WWP2: variants seen among roughly 807,000 people sequenced by gnomAD.
The protein encoded by WWP2 is WW domain containing E3 ubiquitin protein ligase 2, also known as NEDD4-like E3 ubiquitin-protein ligase WWP2.
WWP2 carries 57 observed loss-of-function variants against 121.0 expected under a neutral mutation model. That is an observed-to-expected ratio of 0.47 (90% CI 0.38 to 0.59). The LOEUF is 0.59. WWP2 is among the 20% of genes least tolerant of loss of function. The probability of loss-of-function intolerance (pLI) is 0.00; values close to 1 mark genes in which losing one functional copy is unlikely to be tolerated. For missense variants in WWP2, 962 were observed against 1,158.9 expected, an observed-to-expected ratio of 0.83 and a Z score of 2.47; for synonymous variants, 449 against 441.3, an observed-to-expected ratio of 1.02 and a Z score of -0.22.
chr16:69,872,059 T>C (rs1421976563), intron 7 of WWP2, 128 bp downstream of exon 7: 4 of 1,363,050 alleles, frequency 2.9e-6, no homozygotes, highest in Non-Finnish European at 2.9e-6. Context: ...AGGACTAAAC[T>C]GGATTTGAAT....
At chr16:69,837,936 T>C (rs2056905318) in intron 4 of WWP2, among the ~76,000 whole-genome samples, 1 of 151,934 alleles carries the variant, frequency 6.6e-6, no homozygotes, top group Admixed American at 6.6e-5. Context: ...ATAAAATGAA[T>C]GAAGGCTAGG....
At chr16:69,816,762 TACACATAC>T (rs996925781) in intron 4 of WWP2, among the ~76,000 whole-genome samples, 11 of 152,042 alleles carry the variant, frequency 7.2e-5, no homozygotes, top group East Asian at 1.9e-4. Context: ...CGTATACATA[TACACATAC>T]ACACATACAC....
chr16:69,851,026 T>TTTTTTA (rs35673651), intron 6 of WWP2, among the ~76,000 whole-genome samples: 1 of 142,502 alleles, frequency 7.0e-6, no homozygotes, highest in African/African-American at 2.7e-5. Flanking sequence ...TTTTTTTTTT[T>TTTTTTA]GGACAGAGTC....
chr16:69,883,072 G>A (rs751755190), intron 7 of WWP2, among the ~76,000 whole-genome samples: 1 of 151,726 alleles, frequency 6.6e-6, no homozygotes, highest in Non-Finnish European at 1.5e-5. Flanking sequence ...AGGATCGCTT[G>A]AACCCAGGAG....
At chr16:69,803,526 G>A (rs953944236) in intron 4 of WWP2, among the ~76,000 whole-genome samples, 10 of 152,232 alleles carry the variant, frequency 6.6e-5, no homozygotes, top group Middle Eastern at 3.4e-3. Context: ...CCTGGGTTTG[G>A]GAAGGTCCAT....
At chr16:69,850,794 T>A (rs79114689) in intron 6 of WWP2, among the ~76,000 whole-genome samples, 2 of 152,170 alleles carry the variant, frequency 1.3e-5, no homozygotes, top group Non-Finnish European at 2.9e-5. Flanking sequence ...TGCCATCTGC[T>A]TTTTTGTTGG....
intron 6 of WWP2, among the ~76,000 whole-genome samples, chr16:69,859,992 G>T (rs1434122030): frequency 6.6e-6 from 1 of 151,868 alleles, no homozygotes; most frequent in Non-Finnish European, 1.5e-5. Context: ...TTGGAGGGGG[G>T]CTAGAGTGAG....
At chr16:69,848,703 T>A (rs2057137930) in intron 6 of WWP2, among the ~76,000 whole-genome samples, 1 of 151,862 alleles carries the variant, frequency 6.6e-6, no homozygotes, top group Admixed American at 6.6e-5. Context: ...TTTCCTTTCT[T>A]ATGTGTATAT....
In WWP2 at chr16:69,937,691, C is replaced by T. The variant is rs964232278; in HGVS notation, c.2343+39C>T. Reference sequence around the variant, plus strand: ...CCAGGCCTTGGCAGGGACATTTGGGCCATCAACCAAAGGAAACGGGTCCTG... The same window carrying T: ...CCAGGCCTTGGCAGGGACATTTGGGTCATCAACCAAAGGAAACGGGTCCTG... On this transcript the variant is annotated intron_variant, in intron 21 of 23. Transcript: ENST00000359154. The surrounding 1 kb of genome is among the most constrained non-coding windows in gnomAD (Gnocchi z 6.6). 6 of 1,604,842 alleles carry T rather than the reference C, an allele frequency of 3.7e-6. No individual in the cohort carries two copies. The highest frequency in any genetic ancestry group is 5.1e-6 in the Non-Finnish European group (6 of 1,172,850).
chr16:69,825,355 C>G (rs1329913350), intron 4 of WWP2, among the ~76,000 whole-genome samples: 4 of 150,808 alleles, frequency 2.7e-5, no homozygotes, highest in Non-Finnish European at 5.9e-5. Context: ...ACCCAGGAGG[C>G]AGAGGTTGCA....
chr16:69,885,849 A>G (rs1330083596), intron 7 of WWP2, among the ~76,000 whole-genome samples: 6 of 152,204 alleles, frequency 3.9e-5, no homozygotes, highest in African/African-American at 9.7e-5. Context: ...TTTCCTGCAC[A>G]TGCTGGTGTT....
At chr16:69,936,673 G>A (rs1418984147) in intron 19 of WWP2, 3 of 615,802 alleles carry the variant, frequency 4.9e-6, no homozygotes, top group Non-Finnish European at 5.6e-6. Context: ...TTTTCGCCAT[G>A]TGGGAGACTT....
chr16:69,833,863 T>C (rs901481342), intron 4 of WWP2, among the ~76,000 whole-genome samples: 1 of 152,186 alleles, frequency 6.6e-6, no homozygotes, highest in Non-Finnish European at 1.5e-5. Context: ...AAGAGATCAG[T>C]GGCCCTGCGG....
rs749559509 is a variant in WWP2, at chr16:69,871,939, A to G, written c.703+8A>G. 8 of 1,611,986 alleles carry G rather than the reference A, an allele frequency of 5.0e-6. No individual in the cohort carries two copies. Among genetic ancestry groups the G allele is most frequent in the Non-Finnish European group, 5.1e-6 (6 of 1,179,126 alleles). On this transcript the variant is annotated splice_region_variant and intron_variant, in intron 7 of 23. Transcript: ENST00000359154. ...GCTTGGCCAATGGCACAGGTGAGTGATGGCACCGCACGCCAGCCTGCACTG... is the reference window on the plus strand; with the variant it reads ...GCTTGGCCAATGGCACAGGTGAGTGGTGGCACCGCACGCCAGCCTGCACTG...
chr16:69,929,601 C>A (rs2058684992), intron 12 of WWP2, 72 bp downstream of exon 12: 3 of 1,374,992 alleles, frequency 2.2e-6, no homozygotes, highest in Non-Finnish European at 1.0e-6. Context: ...GGGCAGGTGG[C>A]TTTGGACTGC....
intron 1 of WWP2, among the ~76,000 whole-genome samples, chr16:69,771,673 G>C (rs8058669): frequency 0.044 from 6,651 of 152,206 alleles, 503 homozygotes; most frequent in African/African-American, 0.15. Flanking sequence ...CTTGTCAATT[G>C]CTGAAAAACA....
intron 2 of WWP2, among the ~76,000 whole-genome samples, chr16:69,795,648 G>GTTTTTT (rs1567669884): frequency 1.1e-5 from 1 of 92,454 alleles, no homozygotes. Context: ...AAAAATAGGA[G>GTTTTTT]GTTTTTTTTT....
chr16:69,773,265 G>A (rs781219605), intron 1 of WWP2, among the ~76,000 whole-genome samples: 1 of 150,452 alleles, frequency 6.6e-6, no homozygotes, highest in African/African-American at 2.5e-5. Context: ...TGCAACCTTC[G>A]CCTCCCAGGT....
rs572985862 is a variant in WWP2, at chr16:69,795,679, A to G, written c.71-3003A>G. 2.0e-3 allele frequency among the ~76,000 whole-genome samples: 37 copies of G among 18,698 alleles called. No individual in the cohort carries two copies. In the South Asian group the frequency reaches 0.047, roughly 24 times the overall value. The allele number at this position is 18,698 out of a possible 152,430, so 12.3% of individuals were successfully genotyped here. ...TTTTTTTTTTTTTTTTTTTTTTGTG[A>G]GAGTCTCTCTCCATCACCCAGGCTG... On this transcript the variant is annotated intron_variant, in intron 2 of 23. Transcript: ENST00000359154.
Sources: gnomAD v4.1 joint callset for allele counts (sites outside exome capture counted in the v4.1 genomes callset) on GRCh38, gnomAD v4.1.1 for gene constraint, Gnocchi (gnomAD v3.1) non-coding constraint, MANE v1.5 for transcripts, NCBI Gene and HGNC (gene_info 2026-07-23, HGNC 2026-07-21) for gene names.